BBS7: variants seen among roughly 807,000 people sequenced by gnomAD.
The protein encoded by BBS7 is BBSome complex member BBS7.
A neutral mutation model predicts 90.3 loss-of-function variants in BBS7; 50 were observed. That is an observed-to-expected ratio of 0.55 (90% CI 0.44 to 0.70). The LOEUF (loss-of-function observed/expected upper bound fraction) is 0.70. BBS7 is among the 30% of genes least tolerant of loss of function. The pLI is 0.00. For synonymous variants in BBS7, 235 were observed against 287.4 expected, an observed-to-expected ratio of 0.82 and a Z score of 1.85; for missense variants, 729 against 838.9, an observed-to-expected ratio of 0.87 and a Z score of 1.62.
intron 15 of BBS7, among the ~76,000 whole-genome samples, chr4:121,832,922 T>A (rs1392564810): frequency 3.3e-5 from 5 of 152,210 alleles, no homozygotes; most frequent in African/African-American, 1.2e-4. Flanking sequence ...TTAAGAATAT[T>A]CCTACAGATT....
intron 10 of BBS7, 29 bp from the exon 11 acceptor site, chr4:121,845,725 A>G: frequency 6.3e-7 from 1 of 1,578,374 alleles, no homozygotes; most frequent in Non-Finnish European, 8.7e-7. Flanking sequence ...AAATTTGTCA[A>G]ATATAAGTAT....
rs1392235356 is a variant in BBS7, at chr4:121,839,635, A to T, written c.1367T>A (p.Leu456His). ...RCQADTTRLE[L>H]KIRSIEGQYG... Reference sequence around the variant, plus strand: ...GGTAATTTCTAATATTTTTACCTTGAGTTCCAGCCTTGTAGTATCTGCCTG... The same window carrying T: ...GGTAATTTCTAATATTTTTACCTTGTGTTCCAGCCTTGTAGTATCTGCCTG... The change falls in exon 13 of 19, where the codon CTC becomes CAC. Residue 456 changes from leucine to histidine, a missense_variant. Transcript: ENST00000264499. The T allele has an allele frequency of 6.2e-7, 1 of 1,612,798 alleles. No homozygotes were observed.
Position 121,845,485 on chromosome 4 carries a change from A to G in BBS7, c.1230+19T>C. Reference sequence around the variant, plus strand: ...AATAGATCCAGTCATAAAACTAAGAAATTAGACATTTTGCTTACCTGTATT... The same window carrying G: ...AATAGATCCAGTCATAAAACTAAGAGATTAGACATTTTGCTTACCTGTATT... On this transcript the variant is annotated intron_variant, in intron 11 of 18. Coordinates refer to ENST00000264499, the MANE Select transcript of BBS7 (RefSeq NM_176824.3). 6.3e-7 allele frequency: 1 copy of G among 1,595,840 alleles called. No individual in the cohort carries two copies. The highest frequency in any genetic ancestry group is 8.6e-7 in the Non-Finnish European group (1 of 1,165,924).
chr4:121,855,709 ATT>A, intron 5 of BBS7, 148 bp from the exon 6 acceptor site: 3 of 718,394 alleles, frequency 4.2e-6, no homozygotes, highest in South Asian at 3.1e-5. Flanking sequence ...TACAACTTGC[ATT>A]TGTTAGCAAT....
intron 2 of BBS7, among the ~76,000 whole-genome samples, chr4:121,865,817 C>A (rs1727237520): frequency 6.6e-6 from 1 of 152,184 alleles, no homozygotes; most frequent in African/African-American, 2.4e-5. Flanking sequence ...GATGTACTAT[C>A]CCACCAATGG....
At chr4:121,855,887 T>G (rs115205590) in intron 5 of BBS7, among the ~76,000 whole-genome samples, 2 of 143,222 alleles carry the variant, frequency 1.4e-5, no homozygotes, top group East Asian at 6.0e-4. Context: ...TACATATATG[T>G]ACATACATGT....
rs769707690 is a variant in BBS7, at chr4:121,845,688, A to G, written c.1046T>C (p.Leu349Ser). ...CAATACCTTATACTGCAAATGTTCC[A>G]ACTCATTCCTGGAGAAAAACACATA... The part of the protein sequence containing the change: ...QNKISSLRNE[L>S]EHLQYKVLQE... Residue 349 changes from leucine (L) to serine (S), a missense_variant, in exon 11 of 19, where the codon TTG becomes TCG. Coordinates refer to ENST00000264499, the MANE Select transcript of BBS7 (RefSeq NM_176824.3). The G allele has an allele frequency of 6.2e-7, 1 of 1,612,296 alleles. No individual in the cohort carries two copies. Among genetic ancestry groups the G allele is most frequent in the South Asian group, 1.1e-5 (1 of 91,024 alleles).
intron 2 of BBS7, among the ~76,000 whole-genome samples, chr4:121,866,088 G>C (rs112648698): frequency 6.6e-6 from 1 of 152,132 alleles, no homozygotes; most frequent in Non-Finnish European, 1.5e-5. Flanking sequence ...CTATTGGTAT[G>C]TTTGAGTTCC....
chr4:121,846,140 CAT>C (rs1726002045), intron 10 of BBS7, among the ~76,000 whole-genome samples: 2 of 152,078 alleles, frequency 1.3e-5, no homozygotes, highest in African/African-American at 4.8e-5. Flanking sequence ...TTAGGGGAGA[CAT>C]AAAAAATAAA....
At chr4:121,829,383 T>C (rs988955652) in intron 15 of BBS7, among the ~76,000 whole-genome samples, 6 of 152,048 alleles carry the variant, frequency 3.9e-5, no homozygotes, top group Non-Finnish European at 7.4e-5. Flanking sequence ...TACAGGCACA[T>C]GCCACTACAC....
intron 15 of BBS7, among the ~76,000 whole-genome samples, chr4:121,829,731 T>C (rs1483636076): frequency 6.6e-6 from 1 of 152,180 alleles, no homozygotes; most frequent in Non-Finnish European, 1.5e-5. Flanking sequence ...CCTGGGACTT[T>C]TATTGGAGCC....
chr4:121,864,838 T>C (rs375788618), intron 2 of BBS7, among the ~76,000 whole-genome samples: 16 of 152,336 alleles, frequency 1.1e-4, no homozygotes, highest in African/African-American at 3.8e-4. Context: ...ATATAACATA[T>C]ACTGATCACA....
intron 12 of BBS7, 99 bp from the exon 13 acceptor site, chr4:121,839,795 C>CAA: frequency 9.7e-7 from 1 of 1,033,628 alleles, no homozygotes; most frequent in Non-Finnish European, 1.5e-6. Context: ...GCTTAAGCAC[C>CAA]TGTCATTGGT....
At position 121,853,054 on chromosome 4, in the gene BBS7, CCA is replaced by C; in HGVS notation, c.749_750del (p.Val250GlyfsTer2). The C allele has an allele frequency of 1.2e-6, 2 of 1,613,616 alleles. No homozygotes were observed. The highest frequency in any genetic ancestry group is 1.7e-6 in the Non-Finnish European group (2 of 1,179,668). Reference sequence around the variant, plus strand: ...ACAAGTAAATCTTTAACCCCATCACCCACAATGTCAAAGCTGTCAATACACAA... The same window carrying C: ...ACAAGTAAATCTTTAACCCCATCACCCAATGTCAAAGCTGTCAATACACAA... The part of the protein sequence containing the change: ...GILCIDSFDI[V>X]GDGVKDLLVG... On this transcript the variant is annotated frameshift_variant, in exon 8 of 19. Coordinates refer to ENST00000264499, the MANE Select transcript of BBS7 (RefSeq NM_176824.3). LOFTEE classifies it high-confidence loss of function.
chr4:121,834,352 A>C (rs764686499), intron 14 of BBS7, among the ~76,000 whole-genome samples: 9 of 152,210 alleles, frequency 5.9e-5, no homozygotes, highest in Admixed American at 1.3e-4. Context: ...TTGACTTTTA[A>C]GCAAGACAGA....
intron 2 of BBS7, 58 bp downstream of exon 2, chr4:121,867,923 G>A (rs1233116116): frequency 1.5e-6 from 2 of 1,363,832 alleles, no homozygotes; most frequent in East Asian, 2.3e-5. Flanking sequence ...GAAGGAAATA[G>A]GAGCCTCTCC....
intron 1 of BBS7, 83 bp from the exon 2 acceptor site, chr4:121,868,129 T>G (rs2149094323): frequency 1.9e-6 from 2 of 1,065,664 alleles, no homozygotes; most frequent in South Asian, 2.5e-5. Flanking sequence ...ACCTTTTTGT[T>G]AAACTGAAAT....
At chr4:121,840,875 T>C (rs1409143615) in intron 12 of BBS7, among the ~76,000 whole-genome samples, 2 of 151,898 alleles carry the variant, frequency 1.3e-5, no homozygotes, top group Non-Finnish European at 2.9e-5. Flanking sequence ...TCTTGCTGTG[T>C]TGCCCAGGCT....
chr4:121,827,917 CT>C, intron 18 of BBS7: 1 of 1,300,910 alleles, frequency 7.7e-7, no homozygotes, highest in Non-Finnish European at 9.8e-7. Context: ...ATACTTATTT[CT>C]TAATATACTT....
Sources: gnomAD v4.1 joint callset for allele counts (sites outside exome capture counted in the v4.1 genomes callset) on GRCh38, gnomAD v4.1.1 for gene constraint, MANE v1.5 for transcripts, NCBI Gene and HGNC (gene_info 2026-07-23, HGNC 2026-07-21) for gene names.